The following PCCB variants were observed in gnomAD, a reference collection of about 807,000 sequenced individuals.
PCCB encodes the protein propionyl-CoA carboxylase subunit beta, also known as propionyl-CoA carboxylase beta chain, mitochondrial.
In PCCB, 43 loss-of-function variants were observed where a neutral mutation model predicts 60.7. The observed-to-expected ratio is 0.71, with a 90% CI of 0.55 to 0.91. The LOEUF (loss-of-function observed/expected upper bound fraction) is 0.91, where lower values mean the gene tolerates loss of function less well. Ranked by LOEUF, PCCB falls within the 40% of genes least tolerant of loss-of-function variation. PCCB has a pLI of 0.00. For synonymous variants in PCCB, 276 were observed against 255.9 expected, an observed-to-expected ratio of 1.08 and a Z score of -0.75; for missense variants, 766 against 702.8, an observed-to-expected ratio of 1.09 and a Z score of -1.02.
chr3:136,287,495 G>A (rs1156598645), intron 6 of PCCB, among the ~76,000 whole-genome samples: 1 of 151,668 alleles, frequency 6.6e-6, no homozygotes, highest in Non-Finnish European at 1.5e-5. Flanking sequence ...GCAGTGACAT[G>A]GATCTCACCT....
intron 8 of PCCB, 102 bp from the exon 9 acceptor site, chr3:136,300,928 A>AGTCC: frequency 1.2e-6 from 1 of 812,820 alleles, no homozygotes; most frequent in Non-Finnish European, 2.2e-6. Flanking sequence ...GAACTGGCCC[A>AGTCC]GTCCCTATGA....
intron 5 of PCCB, among the ~76,000 whole-genome samples, chr3:136,262,578 T>A (rs1175448150): frequency 6.6e-6 from 1 of 152,120 alleles, no homozygotes; most frequent in Non-Finnish European, 1.5e-5. Context: ...AGACTGAAAT[T>A]ATGAGAGAAA....
intron 5 of PCCB, among the ~76,000 whole-genome samples, chr3:136,283,108 C>G (rs1043183875): frequency 3.3e-5 from 5 of 152,172 alleles, no homozygotes; most frequent in Admixed American, 2.0e-4. Flanking sequence ...AGAGCCAAGG[C>G]AGGCTGAAAA....
At chr3:136,274,477 T>C (rs937232244) in intron 5 of PCCB, among the ~76,000 whole-genome samples, 1 of 152,256 alleles carries the variant, frequency 6.6e-6, no homozygotes, top group Non-Finnish European at 1.5e-5. Flanking sequence ...GTAAGGTTTC[T>C]GCTGAGAAAT....
intron 7 of PCCB, among the ~76,000 whole-genome samples, chr3:136,294,941 C>T (rs563044746): frequency 9.9e-5 from 15 of 152,216 alleles, no homozygotes; most frequent in African/African-American, 3.1e-4. Context: ...TTTAAGATTA[C>T]GTACCAAGTT....
At chr3:136,315,116 G>C (rs1041368261) in intron 9 of PCCB, among the ~76,000 whole-genome samples, 1 of 152,222 alleles carries the variant, frequency 6.6e-6, no homozygotes, top group African/African-American at 2.4e-5. Context: ...AGTTAAAGGA[G>C]CCTAAAGAGA....
intron 5 of PCCB, among the ~76,000 whole-genome samples, chr3:136,267,516 A>T (rs1001326205): frequency 6.6e-6 from 1 of 151,124 alleles, no homozygotes; most frequent in African/African-American, 2.4e-5. Context: ...CTAGGGTCTC[A>T]CTCTGTCACC....
intron 1 of PCCB, 190 bp from the exon 2 acceptor site, chr3:136,255,666 G>A: frequency 1.6e-6 from 1 of 632,546 alleles, no homozygotes; most frequent in South Asian, 1.8e-5. Context: ...CACACTGTCT[G>A]TCCTGATTTC....
At chr3:136,319,346 G>A (rs1935027110) in intron 10 of PCCB, among the ~76,000 whole-genome samples, 1 of 149,624 alleles carries the variant, frequency 6.7e-6, no homozygotes, top group Non-Finnish European at 1.5e-5. Flanking sequence ...TGTTCTATAG[G>A]TTGTCCTTGC....
chr3:136,288,644 T>C (rs1255130126), intron 6 of PCCB, among the ~76,000 whole-genome samples: 1 of 151,740 alleles, frequency 6.6e-6, no homozygotes, highest in African/African-American at 2.4e-5. Context: ...GCACCTGGTC[T>C]ATAAAAATGT....
At position 136,283,905 on chromosome 3, in the gene PCCB, C is replaced by G. The variant is rs201054265; in HGVS notation, c.612C>G (p.Ala204=). The part of the protein sequence containing the change: ...SLIMGPCAGG[A]VYSPALTDFT... ...TCATGGGCCCATGTGCTGGTGGGGC[C>G]GTCTACTCCCCAGCCCTAACAGACT... The change falls in exon 6 of 15, where the codon GCC becomes GCG. Residue 204 remains alanine, a synonymous_variant. Coordinates refer to ENST00000251654, the MANE Select transcript of PCCB (RefSeq NM_000532.5). 6.2e-7 allele frequency: 1 copy of G among 1,613,268 alleles called. No individual in the cohort carries two copies. The highest frequency in any genetic ancestry group is 8.5e-7 in the Non-Finnish European group (1 of 1,179,342).
chr3:136,289,611 T>A (rs1933580240), intron 6 of PCCB, among the ~76,000 whole-genome samples: 2 of 152,194 alleles, frequency 1.3e-5, no homozygotes, highest in African/African-American at 4.8e-5. Context: ...AATTGATACA[T>A]TTAGACCATT....
At chr3:136,284,545 A>G (rs917542437) in intron 6 of PCCB, among the ~76,000 whole-genome samples, 5 of 152,210 alleles carry the variant, frequency 3.3e-5, no homozygotes, top group Non-Finnish European at 5.9e-5. Context: ...TTCTTAAAAT[A>G]TTAATAAAAA....
chr3:136,254,032 G>A (rs1941597214), intron 1 of PCCB, among the ~76,000 whole-genome samples: 1 of 151,968 alleles, frequency 6.6e-6, no homozygotes, highest in Non-Finnish European at 1.5e-5. Flanking sequence ...ACAGTGTATA[G>A]GATTGCCTGA....
intron 9 of PCCB, among the ~76,000 whole-genome samples, chr3:136,305,710 T>C (rs1471919677): frequency 8.9e-6 from 1 of 112,776 alleles, no homozygotes; most frequent in African/African-American, 2.6e-5. Context: ...GATTGCACCA[T>C]TGCATTTCAG....
rs536463858 is a variant in PCCB at position 136,290,077 on chromosome 3, A to G, written c.655-3679A>G. On this transcript the variant is annotated intron_variant, in intron 6 of 14. Transcript: ENST00000251654. ...ATTTTTGCTACTATTAATTTGAATC[A>G]AAAGTTTTCATTTTACCTTCATTTA... is the stretch of plus-strand genomic sequence containing the variant. 1.5e-3 allele frequency among the ~76,000 whole-genome samples: 229 copies of G among 152,320 alleles called. 1 individual carries two copies. The highest frequency in any genetic ancestry group is 5.2e-3 in the African/African-American group (218 of 41,574).
chr3:136,269,589 A>AG (rs1382228638), intron 5 of PCCB, among the ~76,000 whole-genome samples: 6 of 152,174 alleles, frequency 3.9e-5, no homozygotes, highest in African/African-American at 1.4e-4. Flanking sequence ...AGAAGTGGTA[A>AG]GAGTGGACAT....
At chr3:136,299,697 T>C (rs796416160) in intron 8 of PCCB, among the ~76,000 whole-genome samples, 11,546 of 128,550 alleles carry the variant, frequency 0.09, 105 homozygotes, top group African/African-American at 0.2. Context: ...TATGCATGTG[T>C]ATGTATAGGT....
At chr3:136,260,856 A>G (rs589092) in intron 4 of PCCB, among the ~76,000 whole-genome samples, 66,651 of 152,144 alleles carry the variant, frequency 0.44, 17,572 homozygotes, top group East Asian at 0.81. Flanking sequence ...ATTTAGCAGT[A>G]GATCTAGTAA....
Sources: allele counts gnomAD v4.1 joint callset (sites outside exome capture counted in the v4.1 genomes callset), GRCh38; gene constraint gnomAD v4.1.1; transcripts MANE v1.5; gene names NCBI Gene and HGNC (gene_info 2026-07-23, HGNC 2026-07-21).